GPR153: variants seen among roughly 807,000 people sequenced by gnomAD.
GPR153 encodes the protein G protein-coupled receptor 153, also known as probable G protein-coupled receptor 153.
In GPR153, 27 loss-of-function variants were observed where a neutral mutation model predicts 34.1. That is an observed-to-expected ratio of 0.79 (90% CI 0.58 to 1.09). The LOEUF (loss-of-function observed/expected upper bound fraction) is 1.09. Ranked by LOEUF, GPR153 falls within the 50% of genes least tolerant of loss-of-function variation. The probability of loss-of-function intolerance (pLI) is 0.00; values close to 1 mark genes in which losing one functional copy is unlikely to be tolerated. For synonymous variants in GPR153, 408 were observed against 405.4 expected (o/e 1.01, Z -0.08); for missense variants, 848 against 860.2 (o/e 0.99, Z 0.18).
rs1394825603 is a variant in GPR153, at chr1:6,253,800, G to A, written c.704C>T (p.Pro235Leu). 6.4e-7 allele frequency: 1 copy of A among 1,572,208 alleles called. No homozygotes were observed. The highest frequency in any genetic ancestry group is 1.4e-5 in the African/African-American group (1 of 74,042). ...KRRSSIDGSE[P>L]AKTSLQTTGL... ...CGTGGTCTGCAGAGAGGTTTTGGCG[G>A]GCTCCGAGCCATCGATGGAGGAGCG... is the stretch of plus-strand genomic sequence containing the variant. The change falls in exon 3 of 6, where the codon CCC (proline) becomes CTC (leucine). Residue 235 changes from proline (P) to leucine (L), a missense_variant. By Grantham distance (98) the Pro-to-Leu change is moderately conservative (BLOSUM62 -3). Coordinates refer to ENST00000377893, the MANE Select transcript of GPR153 (RefSeq NM_207370.4).
In GPR153 at chr1:6,250,558, C is replaced by T. The variant is rs1305638098; in HGVS notation, c.1046G>A (p.Gly349Glu). The T allele has an allele frequency of 6.3e-7, 1 of 1,598,914 alleles. No individual in the cohort carries two copies. Among genetic ancestry groups the T allele is most frequent in the Non-Finnish European group, 8.5e-7 (1 of 1,173,572 alleles). The part of the protein sequence containing the change: ...VLERSLDYGY[G>E]GDFVALDRMA... Reference sequence around the variant, plus strand: ...CCTATCTAGGGCCACAAAATCACCTCCATAGCCATAGTCCAGGGAGCGCTC... The same window carrying T: ...CCTATCTAGGGCCACAAAATCACCTTCATAGCCATAGTCCAGGGAGCGCTC... The change falls in exon 5 of 6, where the codon GGA becomes GAA. Residue 349 changes from glycine to glutamate, a missense_variant. Physicochemically the swap from Gly to Glu is moderately conservative, Grantham distance 98. Transcript: ENST00000377893.
At chr1:6,259,021 G>A (rs1037121644) in intron 1 of GPR153, among the ~76,000 whole-genome samples, 1 of 152,256 alleles carries the variant, frequency 6.6e-6, no homozygotes, top group Non-Finnish European at 1.5e-5. Context: ...AGCACTCGGG[G>A]AGGCCAAGGT....
rs1392236154 is a variant in GPR153, at chr1:6,254,025, C to T, written c.479G>A (p.Gly160Asp). The T allele has an allele frequency of 3.1e-6, 5 of 1,613,452 alleles. No individual in the cohort carries two copies. The highest frequency in any genetic ancestry group is 4.2e-6 in the Non-Finnish European group (5 of 1,180,006). Residue 160 changes from glycine to aspartate, a missense_variant, in exon 3 of 6, where the codon GGC becomes GAC. Transcript: ENST00000377893. ...GATCTCAGCCACGATGAAGCGGCAGCCATGGGTGTAGAAGCGCTCGCTGGT... is the reference window on the plus strand; with the variant it reads ...GATCTCAGCCACGATGAAGCGGCAGTCATGGGTGTAGAAGCGCTCGCTGGT... ...HDTSERFYTH[G>D]CRFIVAEIGL... is the part of the protein sequence containing the mutation.
chr1:6,256,529 G>A (rs546713561), intron 1 of GPR153, among the ~76,000 whole-genome samples: 5 of 151,934 alleles, frequency 3.3e-5, no homozygotes, highest in South Asian at 4.2e-4. Flanking sequence ...CACCATGCTC[G>A]GCTAATTTTT....
Position 6,247,593 on chromosome 1 carries a change from C to T in GPR153, c.*1745G>A, listed in dbSNP as rs1638329046. 1 of 152,224 alleles carries T rather than the reference C, an allele frequency of 6.6e-6. No individual in the cohort carries two copies. The highest frequency in any genetic ancestry group is 2.4e-5 in the African/African-American group (1 of 41,450). The allele number at this position is 152,224 out of a possible 1,614,324, so 9.4% of individuals were successfully genotyped here. On this transcript the variant is annotated 3_prime_UTR_variant, in exon 6 of 6. Transcript: ENST00000377893. Reference sequence around the variant, plus strand: ...CCGCAGGATTGGAGTATTTAGAGGACTCTGTCCCCCTGCAAGTATTGCCGT... The same window carrying T: ...CCGCAGGATTGGAGTATTTAGAGGATTCTGTCCCCCTGCAAGTATTGCCGT...
In GPR153 at chr1:6,251,454, G is replaced by A; in HGVS notation, c.863C>T (p.Ala288Val). The change falls in exon 4 of 6, where the codon GCC becomes GTC. Residue 288 changes from alanine to valine, a missense_variant. Transcript: ENST00000377893. This position sits in a 1 kb window ranked among gnomAD's most constrained non-coding sequence, Gnocchi z 4.9. ...MALCVLWCSV[A>V]QALLLPVFLW... The stretch of plus-strand genomic sequence containing the variant: ...GAACACAGGCAGCAGCAGGGCCTGG[G>A]CCACGGAGCACCACAGCACGCAGAG... 1 of 1,613,288 alleles carries A rather than the reference G, an allele frequency of 6.2e-7. No individual in the cohort carries two copies. The highest frequency in any genetic ancestry group is 8.5e-7 in the Non-Finnish European group (1 of 1,179,964).
At chr1:6,260,389 C>CCCG (rs1638648162) in intron 1 of GPR153, among the ~76,000 whole-genome samples, 1 of 141,936 alleles carries the variant, frequency 7.0e-6, no homozygotes. Flanking sequence ...CCCCCCCCCC[C>CCCG]CGCAATCCCC....
intron 1 of GPR153, among the ~76,000 whole-genome samples, chr1:6,256,375 CTTTTTTTTT>C: frequency 7.1e-6 from 1 of 141,466 alleles, no homozygotes; most frequent in South Asian, 2.3e-4. Context: ...TCTTTCTTTT[CTTTTTTTTT>C]TTTTTAGACA....
rs201900828 is a variant in GPR153, at chr1:6,254,711, G to A, written c.195C>T (p.Ser65=). The A allele has an allele frequency of 7.6e-5, 122 of 1,613,850 alleles. No homozygotes were observed. Among genetic ancestry groups the A allele is most frequent in the Admixed American group, 6.8e-4 (41 of 60,012 alleles). ...LNVAVPIATY[S]VVQLRRQRPD... is the part of the protein sequence containing the mutation. ...GGCGCTGCCGCCGCAGCTGCACCAC[G>A]GAGTAGGTGGCGATGGGCACGGCCA... Residue 65 remains serine (S), a synonymous_variant, in exon 2 of 6, where the codon TCC becomes TCT. Transcript: ENST00000377893.
chr1:6,254,169 C>G (rs763190196), intron 2 of GPR153, 22 bp from the exon 3 acceptor site: 2 of 1,590,002 alleles, frequency 1.3e-6, no homozygotes, highest in Non-Finnish European at 1.7e-6. Context: ...CAGGGTGGAA[C>G]AGAGGGATCT....
At chr1:6,256,989 T>G (rs1300233685) in intron 1 of GPR153, among the ~76,000 whole-genome samples, 1 of 152,220 alleles carries the variant, frequency 6.6e-6, no homozygotes, top group Non-Finnish European at 1.5e-5. Flanking sequence ...CCAGGGGCTG[T>G]ATACGGGGTG....
In GPR153 at chr1:6,254,857, A is replaced by G. The variant is rs772850705; in HGVS notation, c.49T>C (p.Cys17Arg). The G allele has an allele frequency of 1.2e-6, 2 of 1,602,556 alleles. No individual in the cohort carries two copies. The highest frequency in any genetic ancestry group is 4.5e-5 in the East Asian group (2 of 44,788). Reference protein sequence around the residue: ...LPGSAVGWLVCGGLSLLANAW... With the variant: ...LPGSAVGWLVRGGLSLLANAW... Reference sequence around the variant, plus strand: ...TTGGCCAGCAGGGAGAGGCCCCCACATACCAGCCAGCCCACTGCACTGCCA... The same window carrying G: ...TTGGCCAGCAGGGAGAGGCCCCCACGTACCAGCCAGCCCACTGCACTGCCA... The change falls in exon 2 of 6, where the codon TGT becomes CGT. Residue 17 changes from cysteine (C) to arginine (R), a missense_variant. Coordinates refer to ENST00000377893, the MANE Select transcript of GPR153 (RefSeq NM_207370.4).
At chr1:6,258,564 C>T (rs766608768) in intron 1 of GPR153, among the ~76,000 whole-genome samples, 36 of 152,208 alleles carry the variant, frequency 2.4e-4, no homozygotes, top group Non-Finnish European at 3.2e-4. Context: ...ACTGGGCCAC[C>T]TCCAGCCTTT....
rs1187539269 is a variant in GPR153 at position 6,249,286 on chromosome 1, C to G, written c.*52G>C. 3 of 1,208,484 alleles carry G rather than the reference C, an allele frequency of 2.5e-6. No individual in the cohort carries two copies. Among genetic ancestry groups the G allele is most frequent in the Non-Finnish European group, 3.1e-6 (3 of 963,328 alleles). The allele number at this position is 1,208,484 out of a possible 1,614,324, so 74.9% of individuals were successfully genotyped here. ...GAGGCGGGCGTCTTTGGTGCTGCGG[C>G]CCCGGAGAGCGGCCTGGCCTGCCTG... On this transcript the variant is annotated 3_prime_UTR_variant, in exon 6 of 6. Transcript: ENST00000377893. The surrounding 1 kb of genome is among the most constrained non-coding windows in gnomAD (Gnocchi z 4.3).
intron 3 of GPR153, among the ~76,000 whole-genome samples, chr1:6,253,350 T>G (rs1279747661): frequency 1.3e-5 from 2 of 152,218 alleles, no homozygotes; most frequent in East Asian, 3.8e-4. Flanking sequence ...GAGCTGAGAT[T>G]GTGCCATTGC....
At position 6,249,937 on chromosome 1, in the gene GPR153, A is replaced by G; in HGVS notation, c.1231T>C (p.Phe411Leu). 1 of 1,283,180 alleles carries G rather than the reference A, an allele frequency of 7.8e-7. No individual in the cohort carries two copies. Among genetic ancestry groups the G allele is most frequent in the Non-Finnish European group, 9.9e-7 (1 of 1,010,114 alleles). The allele number at this position is 1,283,180 out of a possible 1,614,324, so 79.5% of individuals were successfully genotyped here. A position where few individuals can be genotyped will look rare whatever the true frequency, so the allele number is the denominator to read the frequency against. Residue 411 changes from phenylalanine (F) to leucine (L), a missense_variant, in exon 6 of 6, where the codon TTC becomes CTC. Coordinates refer to ENST00000377893, the MANE Select transcript of GPR153 (RefSeq NM_207370.4). The surrounding 1 kb of genome is among the most constrained non-coding windows in gnomAD (Gnocchi z 4.3). ...TCGCCGGAGCCCCAGCGCGGCAGGA[A>G]GGCGGGCAGCGGGACGGCGGCCCAC... Reference protein sequence around the residue: ...DVWAAVPLPAFLPRWGSGEDL... With the variant: ...DVWAAVPLPALLPRWGSGEDL...
chr1:6,257,482 G>T (rs187419902), intron 1 of GPR153, among the ~76,000 whole-genome samples: 57 of 152,340 alleles, frequency 3.7e-4, no homozygotes, highest in Admixed American at 1.8e-3. Flanking sequence ...CTGGGGCAAG[G>T]TCCCTGCACC....
rs908747719 is a variant in GPR153, at chr1:6,247,739, A to G, written c.*1599T>C. ...TGGCTAGCTGGCGACCTCTGCCCCT[A>G]CGTAACTTGTCAGTCCTTGAAGGCA... On this transcript the variant is annotated 3_prime_UTR_variant, in exon 6 of 6. Transcript: ENST00000377893. 1.3e-5 allele frequency: 2 copies of G among 152,250 alleles called. No homozygotes were observed. Among genetic ancestry groups the G allele is most frequent in the African/African-American group, 4.8e-5 (2 of 41,462 alleles). The allele number at this position is 152,250 out of a possible 1,614,324, so 9.4% of individuals were successfully genotyped here.
At position 6,249,805 on chromosome 1, in the gene GPR153, G is replaced by C. The variant is rs1357991747; in HGVS notation, c.1363C>G (p.Arg455Gly). The C allele has an allele frequency of 5.0e-6, 6 of 1,193,346 alleles. No individual in the cohort carries two copies. The highest frequency in any genetic ancestry group is 5.2e-6 in the Non-Finnish European group (5 of 964,090). The allele number at this position is 1,193,346 out of a possible 1,614,324, so 73.9% of individuals were successfully genotyped here. A position where few individuals can be genotyped will look rare whatever the true frequency, so the allele number is the denominator to read the frequency against. The change falls in exon 6 of 6, where the codon CGC becomes GGC. Residue 455 changes from arginine (R) to glycine (G), a missense_variant. Arg to Gly is a moderately radical substitution (Grantham distance 125, BLOSUM62 -2). Transcript: ENST00000377893. The surrounding 1 kb of genome is among the most constrained non-coding windows in gnomAD (Gnocchi z 4.3). ...AGCGACAGCAGGCTCTCGGCCGAGC[G>C]GCGGCGCGCGCGGGACGGTGGTGCG... ...EDAPPSRARR[R>G]SAESLLSLRP...
Sources: allele counts gnomAD v4.1 joint callset (sites outside exome capture counted in the v4.1 genomes callset), GRCh38; gene constraint gnomAD v4.1.1; non-coding constraint Gnocchi (gnomAD v3.1); transcripts MANE v1.5; gene names NCBI Gene and HGNC (gene_info 2026-07-23, HGNC 2026-07-21).